Variants in CDADC1 observed in about 807,000 individuals in gnomAD.
CDADC1 encodes the protein cytidine and dCMP deaminase domain containing 1, also known as dCTP deaminase.
In CDADC1, 39 loss-of-function variants were observed where a neutral mutation model predicts 54.9. The ratio of observed to expected loss-of-function variants is 0.71; its 90% CI spans 0.55 to 0.93. CDADC1 has a LOEUF of 0.93. CDADC1 is among the 40% of genes least tolerant of loss of function. CDADC1 has a pLI of 0.00. For missense variants in CDADC1, 518 were observed against 618.8 expected, an observed-to-expected ratio of 0.84 and a Z score of 1.73; for synonymous variants, 186 against 204.0, an observed-to-expected ratio of 0.91 and a Z score of 0.75.
intron 2 of CDADC1, among the ~76,000 whole-genome samples, chr13:49,252,223 T>C (rs2138192044): frequency 6.6e-6 from 1 of 152,268 alleles, no homozygotes; most frequent in African/African-American, 2.4e-5. Context: ...TACCCATGTG[T>C]CCTAGGACTA....
chr13:49,256,760 C>T (rs1240392013), intron 3 of CDADC1, among the ~76,000 whole-genome samples: 26 of 152,056 alleles, frequency 1.7e-4, no homozygotes, highest in Admixed American at 6.5e-5. Flanking sequence ...TTGATGATTC[C>T]GATGTATATT....
At chr13:49,281,959 G>A (rs1054892723) in intron 8 of CDADC1, among the ~76,000 whole-genome samples, 7 of 118,822 alleles carry the variant, frequency 5.9e-5, no homozygotes, top group Non-Finnish European at 8.1e-5. Context: ...GATTACAGGC[G>A]CACGCCACCA....
chr13:49,268,180 A>G (rs1952871822), intron 5 of CDADC1, 121 bp downstream of exon 5: 3 of 800,780 alleles, frequency 3.7e-6, no homozygotes, highest in Admixed American at 2.7e-5. Flanking sequence ...CTGTTCATAC[A>G]ATATAGAGAA....
At chr13:49,275,087 CT>C (rs68165171) in intron 6 of CDADC1, among the ~76,000 whole-genome samples, 40,743 of 137,724 alleles carry the variant, frequency 0.3, 5,241 homozygotes, top group East Asian at 0.53. Flanking sequence ...GGTGAACATT[CT>C]TTTTTTTTTT....
At position 49,292,435 on chromosome 13, in the gene CDADC1, A is replaced by T. The variant is rs1953738482; in HGVS notation, c.*678A>T. The T allele has an allele frequency of 9.9e-7, 1 of 1,008,964 alleles. No individual in the cohort carries two copies. Among genetic ancestry groups the T allele is most frequent in the Non-Finnish European group, 1.2e-6 (1 of 844,064 alleles). 62.5% of individuals were successfully genotyped at this position (1,008,964 alleles called of 1,614,324 possible). On this transcript the variant is annotated 3_prime_UTR_variant, in exon 10 of 10. Transcript: ENST00000251108. ...CTTGATATCACTGACTCTTGAAATCACTAACAGTGAACCTCAAATTTGGTT... is the reference window on the plus strand; with the variant it reads ...CTTGATATCACTGACTCTTGAAATCTCTAACAGTGAACCTCAAATTTGGTT...
intron 8 of CDADC1, 135 bp downstream of exon 8, chr13:49,280,833 ATT>A (rs376301531): frequency 3.1e-4 from 55 of 177,950 alleles, no homozygotes; most frequent in African/African-American, 5.5e-4. Flanking sequence ...TATTATTATT[ATT>A]TTATTATTAT....
intron 8 of CDADC1, among the ~76,000 whole-genome samples, chr13:49,286,014 A>G (rs1009972801): frequency 1.3e-5 from 2 of 152,010 alleles, no homozygotes; most frequent in African/African-American, 2.4e-5. Context: ...GAGTTTCACC[A>G]TGTTGGCCAG....
At position 49,247,937 on chromosome 13, in the gene CDADC1, C is replaced by T. The variant is rs538210909; in HGVS notation, c.-101C>T. 3.1e-5 allele frequency: 33 copies of T among 1,057,846 alleles called. No homozygotes were observed. The African/African-American group carries it at 4.8e-4, about 16-fold the overall frequency. The allele number at this position is 1,057,846 out of a possible 1,614,324, so 65.5% of individuals were successfully genotyped here. ...TCTGGCTGCGCCTAGTGGGCCGTTG[C>T]CTTACAGTTGCTGAGAGGAGGCGAG... On this transcript the variant is annotated 5_prime_UTR_variant, in exon 1 of 10. Transcript: ENST00000251108.
At chr13:49,289,469 T>C (rs1161170574) in intron 9 of CDADC1, among the ~76,000 whole-genome samples, 1 of 152,158 alleles carries the variant, frequency 6.6e-6, no homozygotes, top group Non-Finnish European at 1.5e-5. Flanking sequence ...AGAGAAACTC[T>C]TGCATATTGT....
intron 3 of CDADC1, among the ~76,000 whole-genome samples, chr13:49,257,650 T>C (rs935378840): frequency 2.0e-5 from 3 of 152,128 alleles, no homozygotes; most frequent in Non-Finnish European, 4.4e-5. Flanking sequence ...GCTACTCAGC[T>C]ACTCCACGGG....
chr13:49,289,409 T>G (rs1425736985), intron 9 of CDADC1, among the ~76,000 whole-genome samples: 5 of 152,162 alleles, frequency 3.3e-5, no homozygotes, highest in Non-Finnish European at 7.4e-5. Flanking sequence ...ATTACCGGCA[T>G]GAGCCACCAC....
intron 4 of CDADC1, among the ~76,000 whole-genome samples, chr13:49,261,452 T>C (rs1566357799): frequency 6.6e-6 from 1 of 152,250 alleles, no homozygotes; most frequent in Non-Finnish European, 1.5e-5. Flanking sequence ...ATCACTCATG[T>C]TCAACTGACC....
intron 8 of CDADC1, among the ~76,000 whole-genome samples, chr13:49,282,865 AT>A (rs1468834642): frequency 1.3e-5 from 2 of 152,208 alleles, no homozygotes; most frequent in Non-Finnish European, 2.9e-5. Flanking sequence ...AAGCCTGATG[AT>A]CCCCCATTCC....
chr13:49,268,969 G>T (rs1044776021), intron 5 of CDADC1, among the ~76,000 whole-genome samples: 3 of 152,160 alleles, frequency 2.0e-5, no homozygotes, highest in African/African-American at 7.2e-5. Flanking sequence ...TCCAAACATG[G>T]AACAATATTA....
Position 49,267,858 on chromosome 13 carries a change from C to T in CDADC1, c.799C>T (p.Pro267Ser). The change falls in exon 5 of 10, where the codon CCA becomes TCA. Residue 267 changes from proline (P) to serine (S), a missense_variant. Physicochemically the swap from Pro to Ser is moderately conservative, Grantham distance 74. Coordinates refer to ENST00000251108, the MANE Select transcript of CDADC1 (RefSeq NM_030911.4). ...AGGTTTGGAGAACCTGTGTGAAAAT[C>T]CATACTTTAGCAATCTAAGGCAAAA... ...TIGLENLCEN[P>S]YFSNLRQNMK... is the part of the protein sequence containing the mutation. 1 of 1,614,082 alleles carries T rather than the reference C, an allele frequency of 6.2e-7. No homozygotes were observed. The highest frequency in any genetic ancestry group is 8.5e-7 in the Non-Finnish European group (1 of 1,179,984).
At chr13:49,280,816 T>G (rs1953301446) in intron 8 of CDADC1, 118 bp downstream of exon 8, 1 of 219,796 alleles carries the variant, frequency 4.5e-6, no homozygotes, top group Middle Eastern at 1.5e-3. Context: ...ATTATTATTA[T>G]TATTATTATT....
Position 49,264,467 on chromosome 13 carries a change from A to G in CDADC1, c.431-3023A>G, listed in dbSNP as rs149590648. ...TCAGGCGCAGTGGCCCACACCTGCA[A>G]TCCCAACATTGTGAGGCCAGTGGGA... On this transcript the variant is annotated intron_variant, in intron 4 of 9. Transcript: ENST00000251108. Among the ~76,000 whole-genome samples, 663 of 150,998 alleles carry G rather than the reference A, an allele frequency of 4.4e-3. 5 individuals are homozygous for G. The highest frequency in any genetic ancestry group is 0.015 in the African/African-American group (631 of 41,084).
chr13:49,250,623 G>A (rs563596859), intron 2 of CDADC1, among the ~76,000 whole-genome samples: 2 of 152,318 alleles, frequency 1.3e-5, no homozygotes, highest in Admixed American at 6.5e-5. Context: ...GGAAGAGACT[G>A]GAAAGGAGCT....
In CDADC1 at chr13:49,278,336, G is replaced by T. The variant is rs370569811; in HGVS notation, c.1051-14G>T. The T allele has an allele frequency of 6.7e-7, 1 of 1,495,450 alleles. No homozygotes were observed. Among genetic ancestry groups the T allele is most frequent in the Non-Finnish European group, 9.0e-7 (1 of 1,105,430 alleles). The allele number at this position is 1,495,450 out of a possible 1,614,324, so 92.6% of individuals were successfully genotyped here. A position where few individuals can be genotyped will look rare whatever the true frequency, so the allele number is the denominator to read the frequency against. ...GAATGTTGAAACTAACCATTGGTTT[G>T]CTCACTCTCGTAGAGAAGTTGTGAT... On this transcript the variant is annotated splice_polypyrimidine_tract_variant and intron_variant, in intron 6 of 9. Coordinates refer to ENST00000251108, the MANE Select transcript of CDADC1 (RefSeq NM_030911.4).
Sources: allele counts gnomAD v4.1 joint callset (sites outside exome capture counted in the v4.1 genomes callset), GRCh38; gene constraint gnomAD v4.1.1; transcripts MANE v1.5; gene names NCBI Gene and HGNC (gene_info 2026-07-23, HGNC 2026-07-21).